MSTO1: variants seen among roughly 807,000 people sequenced by gnomAD.
MSTO1 encodes misato mitochondrial distribution and morphology regulator 1, also known as protein misato homolog 1.
Under a neutral mutation model 55.7 loss-of-function variants are expected in MSTO1, and 24 were observed. That is an observed-to-expected ratio of 0.43 (90% CI 0.31 to 0.61). MSTO1 has a LOEUF of 0.61. MSTO1 is among the 20% of genes least tolerant of loss of function. The pLI is 0.09. For synonymous variants in MSTO1, 162 were observed against 252.8 expected (o/e 0.64, Z 3.41); for missense variants, 363 against 625.7 (o/e 0.58, Z 4.48).
At chr1:155,608,901 T>C (rs548169652), upstream of MSTO1, among the ~76,000 whole-genome samples, 249 of 151,220 alleles carry the variant, frequency 1.6e-3, 1 homozygote, top group African/African-American at 5.8e-3. Flanking sequence ...ATCGGCTCAC[T>C]GCAACTTCCA....
chr1:155,612,624 C>G, intron 9 of MSTO1, 54 bp downstream of exon 9: 1 of 1,553,740 alleles, frequency 6.4e-7, no homozygotes, highest in Non-Finnish European at 8.7e-7. Flanking sequence ...CCTCCTCATG[C>G]TCCCAGTCAG....
chr1:155,609,244 T>TATATATATATATATA (rs1553289697), upstream of MSTO1, among the ~76,000 whole-genome samples: 6 of 15,070 alleles, frequency 4.0e-4, no homozygotes, highest in East Asian at 9.3e-3. Flanking sequence ...TATATATATA[T>TATATATATATATATA]TTTTTTTTTT....
At chr1:155,610,154 C>G, upstream of MSTO1, 1 of 1,186,462 alleles carries the variant, frequency 8.4e-7, no homozygotes. Flanking sequence ...AATAAGTAGC[C>G]GAGAATAACA....
the MSTO1 span, among the ~76,000 whole-genome samples, chr1:155,580,273 C>G: frequency 2.6e-5 from 4 of 151,160 alleles, no homozygotes; most frequent in African/African-American, 7.3e-5. Flanking sequence ...CACCCGTAAT[C>G]CCAGCATGTT....
chr1:155,590,628 A>AGAGGTCCCCC, the MSTO1 span: 793 of 1,389,696 alleles, frequency 5.7e-4, 4 homozygotes, highest in African/African-American at 0.011. Context: ...TAGGGTACTC[A>AGAGGTCCCCC]GAGGTCCCCC....
the MSTO1 span, among the ~76,000 whole-genome samples, chr1:155,588,294 C>G: frequency 7.3e-5 from 11 of 151,394 alleles, no homozygotes; most frequent in Non-Finnish European, 1.6e-4. Context: ...AAAGACCATT[C>G]TGCTGGTTTA....
chr1:155,594,875 G>A, the MSTO1 span, among the ~76,000 whole-genome samples: 1 of 152,152 alleles, frequency 6.6e-6, no homozygotes, highest in African/African-American at 2.4e-5. Flanking sequence ...GGTGGCTCAT[G>A]CCTGTAATCC....
upstream of MSTO1, among the ~76,000 whole-genome samples, chr1:155,607,020 G>A (rs1672946361): frequency 1.3e-5 from 2 of 151,282 alleles, no homozygotes; most frequent in Non-Finnish European, 2.9e-5. Flanking sequence ...TTTTAGTAGA[G>A]ATGGGGTTTC....
chr1:155,603,219 G>T, the MSTO1 span, among the ~76,000 whole-genome samples: 2 of 151,874 alleles, frequency 1.3e-5, no homozygotes, highest in South Asian at 2.1e-4. Flanking sequence ...ACAAAAATTA[G>T]CTGGGCGTGG....
the MSTO1 span, among the ~76,000 whole-genome samples, chr1:155,577,022 A>C: frequency 2.8e-5 from 4 of 144,094 alleles, no homozygotes; most frequent in Non-Finnish European, 6.0e-5. Flanking sequence ...TCTCAAAAAA[A>C]AAAAAAAAAA....
chr1:155,608,096 C>G (rs528240171), upstream of MSTO1, among the ~76,000 whole-genome samples: 1 of 152,282 alleles, frequency 6.6e-6, no homozygotes, highest in South Asian at 2.1e-4. Flanking sequence ...AAATTTCAAA[C>G]CTACAAGAAT....
In MSTO1 at chr1:155,612,444, A is replaced by G. The variant is rs1233845124; in HGVS notation, c.840A>G (p.Leu280=). 4 of 1,613,936 alleles carry G rather than the reference A, an allele frequency of 2.5e-6. No homozygotes were observed. In the South Asian group the frequency reaches 3.3e-5, roughly 13 times the overall value. Residue 280 remains leucine, a synonymous_variant, in exon 9 of 14, where the codon CTA becomes CTG. Transcript: ENST00000245564. ...AGGCCCAGAGAAACATCTATCGTCT[A>G]TTAAACACAGCTTTTGGTCTCGTGC... ...RGEAQRNIYR[L]LNTAFGLVHL... is the part of the protein sequence containing the mutation.
the MSTO1 span, chr1:155,591,005 T>C: frequency 1.2e-6 from 2 of 1,613,432 alleles, no homozygotes; most frequent in Non-Finnish European, 1.7e-6. Flanking sequence ...ACAAGGAGGG[T>C]GATGACACAG....
chr1:155,591,224 C>A, the MSTO1 span: 102 of 1,611,040 alleles, frequency 6.3e-5, no homozygotes, highest in African/African-American at 1.2e-3. Context: ...CCAGCAGTGT[C>A]AGGACGACTC....
At chr1:155,585,692 C>T in the MSTO1 span, among the ~76,000 whole-genome samples, 25 of 151,968 alleles carry the variant, frequency 1.6e-4, no homozygotes, top group African/African-American at 6.0e-4. Flanking sequence ...GTATTTTCAG[C>T]ATGCAAAATA....
At chr1:155,577,123 C>G in the MSTO1 span, among the ~76,000 whole-genome samples, 27 of 143,658 alleles carry the variant, frequency 1.9e-4, no homozygotes, top group East Asian at 5.4e-3. Flanking sequence ...GAGTCTCGCT[C>G]TGTCACCCAG....
At chr1:155,592,967 A>G in the MSTO1 span, among the ~76,000 whole-genome samples, 1 of 152,018 alleles carries the variant, frequency 6.6e-6, no homozygotes, top group Non-Finnish European at 1.5e-5. Context: ...GCTGGAGTGC[A>G]ATGGCACGAT....
chr1:155,568,041 C>CA, the MSTO1 span, among the ~76,000 whole-genome samples: 3,093 of 139,994 alleles, frequency 0.022, 98 homozygotes, highest in African/African-American at 0.074. Flanking sequence ...CCTGTCTGAA[C>CA]AAAAAAAAAA....
the MSTO1 span, chr1:155,586,616 A>G: frequency 1.0e-4 from 47 of 465,814 alleles, no homozygotes; most frequent in Non-Finnish European, 1.3e-5. Context: ...ATTTTTTCCC[A>G]TTTGTGCTTT....
Sources: allele counts gnomAD v4.1 joint callset (sites outside exome capture counted in the v4.1 genomes callset), GRCh38; gene constraint gnomAD v4.1.1; transcripts MANE v1.5; gene names NCBI Gene and HGNC (gene_info 2026-07-23, HGNC 2026-07-21).